KAZN: variants seen among roughly 807,000 people sequenced by gnomAD.
KAZN encodes the protein kazrin, periplakin interacting protein.
KAZN carries 40 observed loss-of-function variants against 87.4 expected under a neutral mutation model. The observed-to-expected ratio is 0.46, with a 90% confidence interval of 0.36 to 0.60. The LOEUF (loss-of-function observed/expected upper bound fraction) is 0.60. KAZN is among the 20% of genes least tolerant of loss of function. The probability of loss-of-function intolerance (pLI) is 0.00; values close to 1 mark genes in which losing one functional copy is unlikely to be tolerated. For missense variants in KAZN, 898 were observed against 1,073.9 expected (o/e 0.84, Z 2.29); for synonymous variants, 466 against 458.3 (o/e 1.02, Z -0.22).
rs766253081 is a variant in KAZN at position 14,769,413 on chromosome 1, G to A, written c.226+170190G>A. ...CTCGTTGCCCAGGCTGGAGTGCGAC[G>A]GCGCTATCTTGGCTCACTGCAACCT... On this transcript the variant is annotated intron_variant, in intron 1 of 14. Coordinates refer to ENST00000376030, the MANE Select transcript of KAZN (RefSeq NM_201628.3). This position sits in a 1 kb window ranked among gnomAD's most constrained non-coding sequence, Gnocchi z 4.1. Among the ~76,000 whole-genome samples, 6 of 152,086 alleles carry A rather than the reference G, an allele frequency of 3.9e-5. No individual in the cohort carries two copies. Among genetic ancestry groups the A allele is most frequent in the Non-Finnish European group, 7.3e-5 (5 of 68,028 alleles).
intron 1 of KAZN, among the ~76,000 whole-genome samples, chr1:14,079,405 C>G (rs956867385): frequency 6.6e-6 from 1 of 152,172 alleles, no homozygotes; most frequent in Non-Finnish European, 1.5e-5. Context: ...ACAGAACTCA[C>G]GTCAGAATCA....
intron 2 of KAZN, among the ~76,000 whole-genome samples, chr1:14,199,625 G>A (rs183974684): frequency 6.6e-5 from 10 of 152,326 alleles, no homozygotes; most frequent in African/African-American, 2.4e-4. Context: ...TGAAAGAAGG[G>A]CTCTGGGGAT....
At chr1:14,658,610 A>G (rs200587882) in intron 1 of KAZN, among the ~76,000 whole-genome samples, 1 of 148,872 alleles carries the variant, frequency 6.7e-6, no homozygotes, top group African/African-American at 2.5e-5. Flanking sequence ...AAATATATGT[A>G]TATATATATA....
At chr1:14,174,906 A>G (rs1288101948) in intron 1 of KAZN, among the ~76,000 whole-genome samples, 5 of 152,178 alleles carry the variant, frequency 3.3e-5, no homozygotes, top group African/African-American at 9.6e-5. Context: ...ATGGCTGTTA[A>G]AGATTCAGCT....
In KAZN at chr1:15,094,517, A is replaced by G. The variant is rs572228236; in HGVS notation, c.1428+132A>G. 8 of 836,038 alleles carry G rather than the reference A, an allele frequency of 9.6e-6. No homozygotes were observed. The East Asian group carries it at 2.1e-4, about 22-fold the overall frequency. The allele number at this position is 836,038 out of a possible 1,614,324, so 51.8% of individuals were successfully genotyped here. A position where few individuals can be genotyped will look rare whatever the true frequency, so the allele number is the denominator to read the frequency against. The stretch of plus-strand genomic sequence containing the variant: ...TGCAATCTAGGAGCTAGCCAATGCA[A>G]TCAGCCTCTGATGTACCTGCTCATT... On this transcript the variant is annotated intron_variant, in intron 9 of 14. Transcript: ENST00000376030. The surrounding 1 kb of genome is among the most constrained non-coding windows in gnomAD (Gnocchi z 4.5).
At chr1:14,001,249 G>A (rs2101144596) in intron 1 of KAZN, among the ~76,000 whole-genome samples, 1 of 152,188 alleles carries the variant, frequency 6.6e-6, no homozygotes. Context: ...AACTCCCATT[G>A]ACAGTCATTA....
At chr1:14,381,407 T>C (rs1661360466) in intron 2 of KAZN, among the ~76,000 whole-genome samples, 1 of 151,902 alleles carries the variant, frequency 6.6e-6, no homozygotes, top group African/African-American at 2.4e-5. Flanking sequence ...CACTGATGAA[T>C]ACTGACACAA....
At chr1:14,964,042 T>C (rs1288066692) in intron 2 of KAZN, among the ~76,000 whole-genome samples, 1 of 152,204 alleles carries the variant, frequency 6.6e-6, no homozygotes, top group African/African-American at 2.4e-5. Context: ...TGATAGGCAT[T>C]TGGGTTGGTT....
At chr1:14,247,869 G>A (rs1200889144) in intron 2 of KAZN, among the ~76,000 whole-genome samples, 3 of 151,960 alleles carry the variant, frequency 2.0e-5, no homozygotes, top group African/African-American at 7.3e-5. Context: ...TACGCTGGCA[G>A]GCCAAACATC....
intron 2 of KAZN, among the ~76,000 whole-genome samples, chr1:14,404,115 G>C (rs1379836558): frequency 6.6e-6 from 1 of 152,144 alleles, no homozygotes; most frequent in Non-Finnish European, 1.5e-5. Flanking sequence ...TGCATAACAC[G>C]GGAAGAGGCT....
intron 2 of KAZN, among the ~76,000 whole-genome samples, chr1:14,388,097 C>A (rs1399746261): frequency 6.6e-6 from 1 of 152,226 alleles, no homozygotes; most frequent in Non-Finnish European, 1.5e-5. Context: ...TCTGTCACCC[C>A]TTTCTTTGAC....
intron 2 of KAZN, among the ~76,000 whole-genome samples, chr1:14,438,443 C>A (rs572230198): frequency 6.6e-6 from 1 of 152,162 alleles, no homozygotes; most frequent in African/African-American, 2.4e-5. Flanking sequence ...GGACAGGGAA[C>A]GGGGCCGGCC....
chr1:15,050,368 C>T (rs545742508), intron 4 of KAZN, among the ~76,000 whole-genome samples: 34 of 152,232 alleles, frequency 2.2e-4, no homozygotes, highest in African/African-American at 7.5e-4. Flanking sequence ...GAGGAAGAGG[C>T]GTGGATTCTC....
intron 1 of KAZN, among the ~76,000 whole-genome samples, chr1:14,014,177 G>A (rs546897897): frequency 1.1e-4 from 17 of 152,158 alleles, no homozygotes; most frequent in African/African-American, 4.1e-4. Flanking sequence ...TTGTATCCGG[G>A]AGGAAGGCTT....
intron 1 of KAZN, among the ~76,000 whole-genome samples, chr1:14,006,036 T>G (rs373722384): frequency 6.6e-6 from 1 of 152,236 alleles, no homozygotes; most frequent in South Asian, 2.1e-4. Flanking sequence ...GATTCAAATA[T>G]ATATATTTTG....
intron 1 of KAZN, among the ~76,000 whole-genome samples, chr1:13,998,404 G>A (rs1639623848): frequency 1.3e-5 from 2 of 152,120 alleles, no homozygotes; most frequent in African/African-American, 2.4e-5. Context: ...TGGGCTAAAT[G>A]CCCCATTTGA....
chr1:14,354,221 G>C (rs1322803490), intron 2 of KAZN, among the ~76,000 whole-genome samples: 3 of 152,002 alleles, frequency 2.0e-5, no homozygotes, highest in Admixed American at 2.0e-4. Flanking sequence ...TTTTATGTTT[G>C]TCTTTTAGAA....
At chr1:15,017,729 G>A (rs1263204271) in intron 2 of KAZN, among the ~76,000 whole-genome samples, 2 of 152,078 alleles carry the variant, frequency 1.3e-5, no homozygotes. Flanking sequence ...GCTTGAACCT[G>A]GGAGGCGGAG....
chr1:14,586,131 A>G (rs1675833437), intron 2 of KAZN, among the ~76,000 whole-genome samples: 1 of 152,216 alleles, frequency 6.6e-6, no homozygotes. Flanking sequence ...TTTGATTATT[A>G]ATTTCTGGAA....
Sources: gnomAD v4.1 joint callset for allele counts (sites outside exome capture counted in the v4.1 genomes callset) on GRCh38, gnomAD v4.1.1 for gene constraint, Gnocchi (gnomAD v3.1) non-coding constraint, MANE v1.5 for transcripts, NCBI Gene and HGNC (gene_info 2026-07-23, HGNC 2026-07-21) for gene names.